TBC1D5: variants seen among roughly 807,000 people sequenced by gnomAD.
TBC1D5 encodes TBC1 domain family member 5, also known as TBC1 domain family, member 5.
A neutral mutation model predicts 100.3 loss-of-function variants in TBC1D5; 75 were observed. The ratio of observed to expected loss-of-function variants is 0.75; its 90% CI spans 0.62 to 0.91. The LOEUF is 0.91. TBC1D5 is among the 40% of genes least tolerant of loss of function. The pLI is 0.00. For missense variants in TBC1D5, 910 were observed against 942.4 expected (o/e 0.97, Z 0.45); for synonymous variants, 323 against 325.6 (o/e 0.99, Z 0.09).
At chr3:17,313,781 G>C (rs565446135) in intron 13 of TBC1D5, among the ~76,000 whole-genome samples, 1 of 152,310 alleles carries the variant, frequency 6.6e-6, no homozygotes, top group African/African-American at 2.4e-5. Context: ...TCCATAAGCA[G>C]TCAATCTCAC....
chr3:17,705,666 C>T (rs1177710810), intron 1 of TBC1D5, among the ~76,000 whole-genome samples: 2 of 134,168 alleles, frequency 1.5e-5, no homozygotes, highest in Non-Finnish European at 1.6e-5. Flanking sequence ...CGGGCAGAGA[C>T]GCTCCTCACT....
intron 18 of TBC1D5, 138 bp downstream of exon 19, chr3:17,214,069 C>A: frequency 1.2e-6 from 1 of 802,952 alleles, no homozygotes; most frequent in Non-Finnish European, 1.8e-6. Flanking sequence ...TAATAAAATA[C>A]TTTTGATAAA....
Position 17,440,833 on chromosome 3 carries a change from G to A in TBC1D5, c.98-12314C>T, listed in dbSNP as rs2094638134. The stretch of plus-strand genomic sequence containing the variant: ...ATTTTTATATTTTTAGCAGAAACAG[G>A]ATTTCTCCATGTTGGCCAAGCGGGT... On this transcript the variant is annotated intron_variant, in intron 3 of 21. Coordinates refer to ENST00000253692, the Ensembl canonical transcript of TBC1D5. Among the ~76,000 whole-genome samples the A allele has an allele frequency of 6.6e-5, 10 of 152,060 alleles. No individual in the cohort carries two copies. The South Asian group carries it at 2.1e-3, about 32-fold the overall frequency.
At chr3:17,277,874 A>C (rs2080186426) in intron 15 of TBC1D5, among the ~76,000 whole-genome samples, 2 of 152,236 alleles carry the variant, frequency 1.3e-5, no homozygotes, top group Non-Finnish European at 2.9e-5. Context: ...CTGCACCCTC[A>C]TCAGGCCTCA....
At chr3:17,628,427 C>A (rs1577100884) in intron 1 of TBC1D5, among the ~76,000 whole-genome samples, 1 of 150,856 alleles carries the variant, frequency 6.6e-6, no homozygotes, top group African/African-American at 2.4e-5. Context: ...CACAGAAGAA[C>A]ATAGAATTCA....
intron 3 of TBC1D5, among the ~76,000 whole-genome samples, chr3:17,469,681 C>T (rs1360892995): frequency 6.6e-6 from 1 of 152,242 alleles, no homozygotes; most frequent in Non-Finnish European, 1.5e-5. Flanking sequence ...AGCTTATTTA[C>T]ATGCATATTT....
intron 1 of TBC1D5, among the ~76,000 whole-genome samples, chr3:17,708,903 G>A (rs989266787): frequency 6.6e-6 from 1 of 152,088 alleles, no homozygotes; most frequent in African/African-American, 2.4e-5. Flanking sequence ...AAGGGAGACC[G>A]TCACTGGAAC....
intron 15 of TBC1D5, among the ~76,000 whole-genome samples, chr3:17,263,317 G>A (rs1308511499): frequency 8.1e-6 from 1 of 122,702 alleles, no homozygotes; most frequent in Non-Finnish European, 1.6e-5. Flanking sequence ...AGTGAGCTAA[G>A]ATTGTGTCAC....
chr3:17,394,803 G>A lies in TBC1D5; in HGVS notation c.509+8378C>T, dbSNP rs141861389. Reference sequence around the variant, plus strand: ...TGAGGAAAATTAAGACGACGCAATCGGGCGCTAGGGATATGAAGGCAAAGC... The same window carrying A: ...TGAGGAAAATTAAGACGACGCAATCAGGCGCTAGGGATATGAAGGCAAAGC... On this transcript the variant is annotated intron_variant, in intron 8 of 21. Transcript: ENST00000253692. Among the ~76,000 whole-genome samples, 37 of 152,134 alleles carry A rather than the reference G, an allele frequency of 2.4e-4. No homozygotes were observed. In the South Asian group the frequency reaches 4.4e-3, roughly 18 times the overall value.
At chr3:17,472,098 T>G (rs545053826) in intron 3 of TBC1D5, among the ~76,000 whole-genome samples, 3 of 152,116 alleles carry the variant, frequency 2.0e-5, no homozygotes, top group East Asian at 3.9e-4. Flanking sequence ...ACTAATCTAG[T>G]ATATTATTTG....
intron 15 of TBC1D5, among the ~76,000 whole-genome samples, chr3:17,261,977 C>T (rs573395081): frequency 6.6e-6 from 1 of 151,736 alleles, no homozygotes; most frequent in East Asian, 1.9e-4. Context: ...TAAGAAAAAT[C>T]AGACCCCATG....
intron 2 of TBC1D5, among the ~76,000 whole-genome samples, chr3:17,604,559 T>C (rs772768656): frequency 2.6e-5 from 4 of 152,238 alleles, no homozygotes; most frequent in Non-Finnish European, 5.9e-5. Flanking sequence ...TGACTATGAT[T>C]ATACTCTATT....
At chr3:17,294,067 T>C (rs1207494579) in intron 14 of TBC1D5, among the ~76,000 whole-genome samples, 1 of 152,370 alleles carries the variant, frequency 6.6e-6, no homozygotes, top group East Asian at 1.9e-4. Flanking sequence ...AAGGCCATTG[T>C]TTTGAAAATC....
intron 13 of TBC1D5, among the ~76,000 whole-genome samples, chr3:17,325,323 C>CT (rs35423622): frequency 0.42 from 51,995 of 124,022 alleles, 11,809 homozygotes; most frequent in Middle Eastern, 0.51. Context: ...ATGGATGAAT[C>CT]TTTTTTTTTT....
chr3:17,273,965 C>G (rs1018625823), intron 15 of TBC1D5, among the ~76,000 whole-genome samples: 2 of 147,676 alleles, frequency 1.4e-5, no homozygotes, highest in Non-Finnish European at 3.0e-5. Flanking sequence ...TTGAAGTTAT[C>G]TACTGTTTTC....
intron 15 of TBC1D5, among the ~76,000 whole-genome samples, chr3:17,265,419 G>C (rs2078747569): frequency 1.3e-5 from 2 of 151,966 alleles, no homozygotes; most frequent in Non-Finnish European, 2.9e-5. Flanking sequence ...GATTACAAAA[G>C]GGGAAAAATA....
intron 3 of TBC1D5, among the ~76,000 whole-genome samples, chr3:17,503,067 T>C (rs1209533339): frequency 6.7e-6 from 1 of 149,792 alleles, no homozygotes; most frequent in Non-Finnish European, 1.5e-5. Flanking sequence ...CAGAATAATC[T>C]TTGTAAAATG....
chr3:17,523,344 G>C (rs2096084732), intron 2 of TBC1D5, among the ~76,000 whole-genome samples: 1 of 152,142 alleles, frequency 6.6e-6, no homozygotes, highest in Non-Finnish European at 1.5e-5. Context: ...CATCTCCTGG[G>C]AGGTAGAACA....
At chr3:17,728,687 AATT>A (rs888462943) in intron 1 of TBC1D5, among the ~76,000 whole-genome samples, 1 of 152,184 alleles carries the variant, frequency 6.6e-6, no homozygotes, top group Non-Finnish European at 1.5e-5. Flanking sequence ...AAAAAAAATA[AATT>A]TGGTTCCTTA....
Sources: gnomAD v4.1 joint callset for allele counts (sites outside exome capture counted in the v4.1 genomes callset) on GRCh38, gnomAD v4.1.1 for gene constraint, MANE v1.5 for transcripts, NCBI Gene and HGNC (gene_info 2026-07-23, HGNC 2026-07-21) for gene names.